Variants in ICA1 observed in about 807,000 individuals in gnomAD.
ICA1 encodes the protein islet cell autoantigen 1.
Under a neutral mutation model 71.0 loss-of-function variants are expected in ICA1, and 40 were observed. The ratio of observed to expected loss-of-function variants is 0.56; its 90% CI spans 0.44 to 0.73. The LOEUF (loss-of-function observed/expected upper bound fraction) is 0.73. Ranked by LOEUF, ICA1 falls within the 30% of genes least tolerant of loss-of-function variation. ICA1 has a pLI of 0.00. For synonymous variants in ICA1, 207 were observed against 209.5 expected (o/e 0.99, Z 0.10); for missense variants, 578 against 576.5 (o/e 1.00, Z -0.03).
At chr7:8,244,497 G>A (rs907949475) in intron 1 of ICA1, among the ~76,000 whole-genome samples, 8 of 152,094 alleles carry the variant, frequency 5.3e-5, no homozygotes, top group Non-Finnish European at 1.2e-4. Flanking sequence ...CATAGGCATG[G>A]GCAAGGACTT....
chr7:8,259,359 A>G (rs1268992236), intron 1 of ICA1, among the ~76,000 whole-genome samples: 1 of 152,126 alleles, frequency 6.6e-6, no homozygotes, highest in African/African-American at 2.4e-5. Context: ...CACTGGAACA[A>G]ATTAGATTTG....
chr7:8,117,197 T>G (rs1785083071), intron 13 of ICA1, among the ~76,000 whole-genome samples: 1 of 152,206 alleles, frequency 6.6e-6, no homozygotes, highest in Non-Finnish European at 1.5e-5. Context: ...TCCCCAGTCA[T>G]GCTGAACTGT....
chr7:8,184,771 A>G (rs1411901666), intron 6 of ICA1, among the ~76,000 whole-genome samples: 2 of 152,224 alleles, frequency 1.3e-5, no homozygotes, highest in Admixed American at 6.5e-5. Context: ...TGGACAAAAT[A>G]TTTTTAAGAT....
At chr7:8,243,547 G>C (rs558251116) in intron 1 of ICA1, among the ~76,000 whole-genome samples, 78 of 152,280 alleles carry the variant, frequency 5.1e-4, no homozygotes, top group Admixed American at 1.2e-3. Context: ...ATTCAACATA[G>C]TGTTGGAAGT....
At chr7:8,258,069 G>A (rs1346897244) in intron 1 of ICA1, among the ~76,000 whole-genome samples, 1 of 152,148 alleles carries the variant, frequency 6.6e-6, no homozygotes, top group African/African-American at 2.4e-5. Flanking sequence ...AAGCATCTCA[G>A]GGTTTCTCTG....
intron 10 of ICA1, among the ~76,000 whole-genome samples, chr7:8,141,072 G>GTTC (rs1223006443): frequency 6.6e-6 from 1 of 152,240 alleles, no homozygotes; most frequent in Non-Finnish European, 1.5e-5. Context: ...TTGAGTGCCA[G>GTTC]TGAAGTGCTT....
chr7:8,188,066 G>A (rs1017475309), intron 6 of ICA1, among the ~76,000 whole-genome samples: 7 of 152,146 alleles, frequency 4.6e-5, no homozygotes, highest in African/African-American at 1.7e-4. Flanking sequence ...GCACCAGGCT[G>A]TTTCTTACGC....
rs182328626 is a variant in ICA1, at chr7:8,167,570, C to A, written c.580-8918G>T. ...TGACAAAATAATCTGTACACCAAAC[C>A]CCCCGGCATGTAATTTACCTAAATA... On this transcript the variant is annotated intron_variant, in intron 6 of 13. Coordinates refer to ENST00000402384, the MANE Select transcript of ICA1 (RefSeq NM_001136020.3). Among the ~76,000 whole-genome samples the A allele has an allele frequency of 5.2e-4, 79 of 152,128 alleles. 1 individual carries two copies. In the South Asian group the frequency reaches 7.0e-3, roughly 14 times the overall value.
intron 6 of ICA1, among the ~76,000 whole-genome samples, chr7:8,198,864 T>C (rs1018251638): frequency 6.6e-6 from 1 of 152,162 alleles, no homozygotes; most frequent in African/African-American, 2.4e-5. Context: ...AATGGATTAA[T>C]AACTAGAGTA....
chr7:8,159,013 G>A (rs1328874955), intron 6 of ICA1, among the ~76,000 whole-genome samples: 3 of 152,180 alleles, frequency 2.0e-5, no homozygotes, highest in African/African-American at 7.2e-5. Flanking sequence ...GTCTTTAGAA[G>A]CTGAGTTCCC....
intron 1 of ICA1, among the ~76,000 whole-genome samples, chr7:8,244,113 C>G (rs1487746730): frequency 1.3e-5 from 2 of 152,168 alleles, no homozygotes; most frequent in Admixed American, 1.3e-4. Context: ...CAATCCTGGG[C>G]AAGAAGAACA....
intron 9 of ICA1, 30 bp from the exon 10 acceptor site, chr7:8,141,847 A>C: frequency 6.8e-7 from 1 of 1,475,162 alleles, no homozygotes; most frequent in Non-Finnish European, 9.4e-7. Context: ...TTAGTCATCA[A>C]CTTCTACCAA....
At chr7:8,262,323 C>G (rs948453669), upstream of ICA1, 1 of 152,204 alleles carries the variant, frequency 6.6e-6, no homozygotes, top group Non-Finnish European at 1.5e-5. Flanking sequence ...GCCCGGCTAC[C>G]TACCGCCGCC....
intron 1 of ICA1, among the ~76,000 whole-genome samples, chr7:8,251,929 A>T (rs1167250911): frequency 6.6e-6 from 1 of 152,178 alleles, no homozygotes; most frequent in African/African-American, 2.4e-5. Flanking sequence ...CTCCTTTCAA[A>T]GGATGATCGA....
At chr7:8,163,736 G>A (rs2128213292) in intron 6 of ICA1, among the ~76,000 whole-genome samples, 1 of 152,292 alleles carries the variant, frequency 6.6e-6, no homozygotes, top group African/African-American at 2.4e-5. Flanking sequence ...GTTGTGGGGT[G>A]GAGGACAATA....
At chr7:8,205,525 C>T (rs1791214795) in intron 6 of ICA1, among the ~76,000 whole-genome samples, 1 of 152,100 alleles carries the variant, frequency 6.6e-6, no homozygotes, top group South Asian at 2.1e-4. Context: ...GCATGTGTTT[C>T]CATTTCTTTT....
intron 1 of ICA1, among the ~76,000 whole-genome samples, chr7:8,239,966 G>A (rs950367305): frequency 2.0e-5 from 3 of 152,232 alleles, no homozygotes; most frequent in Non-Finnish European, 4.4e-5. Context: ...ACCTCTGGGG[G>A]AAGGGCATCG....
At chr7:8,227,878 A>AC (rs1233923164) in intron 4 of ICA1, 1 of 449,604 alleles carries the variant, frequency 2.2e-6, no homozygotes, top group Admixed American at 2.4e-5. Context: ...CAGACAATGC[A>AC]CCCAGCCTAC....
chr7:8,252,913 G>A lies in ICA1; in HGVS notation c.-80+9181C>T, dbSNP rs1808679946. Among the ~76,000 whole-genome samples the A allele has an allele frequency of 3.3e-5, 5 of 152,086 alleles. No homozygotes were observed. The South Asian group carries it at 1.0e-3, about 32-fold the overall frequency. On this transcript the variant is annotated intron_variant, in intron 1 of 13. Coordinates refer to ENST00000402384, the MANE Select transcript of ICA1 (RefSeq NM_001136020.3). The stretch of plus-strand genomic sequence containing the variant: ...TTGTTTTGAGACAGGGTCTTACTGT[G>A]TTGCCCAGGCTGGTCTTGAACTCCT...
Sources: gnomAD v4.1 joint callset for allele counts (sites outside exome capture counted in the v4.1 genomes callset) on GRCh38, gnomAD v4.1.1 for gene constraint, MANE v1.5 for transcripts, NCBI Gene and HGNC (gene_info 2026-07-23, HGNC 2026-07-21) for gene names.